TRIM24: variants seen among roughly 807,000 people sequenced by gnomAD.
TRIM24 encodes transcription intermediary factor 1-alpha.
Under a neutral mutation model 123.9 loss-of-function variants are expected in TRIM24, and 29 were observed. That is an observed-to-expected ratio of 0.23 (90% confidence interval 0.17 to 0.32). The LOEUF (loss-of-function observed/expected upper bound fraction) is 0.32, where lower values mean the gene tolerates loss of function less well. Ranked by LOEUF, TRIM24 falls within the 10% of genes least tolerant of loss-of-function variation. The pLI, the probability that TRIM24 is intolerant of heterozygous loss-of-function variation, is 1.00. For synonymous variants in TRIM24, 456 were observed against 461.1 expected (o/e 0.99, Z 0.14); for missense variants, 932 against 1,295.3 (o/e 0.72, Z 4.31).
In TRIM24 at chr7:138,588,898, T is replaced by A. The variant is rs1798061426; in HGVS notation, c.*3947T>A. 1 of 151,658 alleles carries A rather than the reference T, an allele frequency of 6.6e-6. No individual in the cohort carries two copies. The highest frequency in any genetic ancestry group is 2.1e-4 in the South Asian group (1 of 4,784). 9.4% of individuals were successfully genotyped at this position (151,658 alleles called of 1,614,324 possible). ...GGCGGGTGCCTGTAATCTCAGCTACTTTGGGATGCTGAGGCAGGAGAATAG... is the reference window on the plus strand; with the variant it reads ...GGCGGGTGCCTGTAATCTCAGCTACATTGGGATGCTGAGGCAGGAGAATAG... On this transcript the variant is annotated 3_prime_UTR_variant, in exon 19 of 19. Transcript: ENST00000343526.
intron 6 of TRIM24, among the ~76,000 whole-genome samples, chr7:138,530,341 T>C (rs191769331): frequency 1.3e-5 from 2 of 152,272 alleles, no homozygotes; most frequent in East Asian, 1.9e-4. Flanking sequence ...TATGTCTGTG[T>C]TTTCAAACTT....
chr7:138,557,260 C>T (rs1245163681), intron 9 of TRIM24, among the ~76,000 whole-genome samples: 1 of 152,150 alleles, frequency 6.6e-6, no homozygotes, highest in Non-Finnish European at 1.5e-5. Flanking sequence ...TACAGGAAAA[C>T]TTGTTTTCCT....
chr7:138,473,619 T>G (rs1795325850), intron 1 of TRIM24, among the ~76,000 whole-genome samples: 1 of 152,250 alleles, frequency 6.6e-6, no homozygotes, highest in Non-Finnish European at 1.5e-5. Flanking sequence ...ATTTCTTGCC[T>G]TTATCAGCTA....
chr7:138,483,572 G>T (rs1374406228), intron 1 of TRIM24, among the ~76,000 whole-genome samples: 3 of 152,166 alleles, frequency 2.0e-5, no homozygotes, highest in Non-Finnish European at 4.4e-5. Context: ...GTGAGGGAGG[G>T]ATTCCTGCCA....
rs1329936974 is a variant in TRIM24 at position 138,579,207 on chromosome 7, A to C, written c.2260A>C (p.Asn754His). 1 of 1,564,282 alleles carries C rather than the reference A, an allele frequency of 6.4e-7. No individual in the cohort carries two copies. Among genetic ancestry groups the C allele is most frequent in the Non-Finnish European group, 8.6e-7 (1 of 1,158,156 alleles). The change falls in exon 15 of 19, where the codon AAT becomes CAT. Residue 754 changes from asparagine (N) to histidine (H), a missense_variant. This residue lies in a region of TRIM24 where 527 missense variants were observed against 691.3 expected (regional missense o/e 0.76). Coordinates refer to ENST00000343526, the MANE Select transcript of TRIM24 (RefSeq NM_015905.3). ...SDEESRPQNA[N>H]YPRSILTSLL... is the part of the protein sequence containing the mutation. The stretch of plus-strand genomic sequence containing the variant: ...ATATATTTTTTTTCTACTACAGGCC[A>C]ATTATCCAAGAAGCATACTCACCTC...
intron 1 of TRIM24, among the ~76,000 whole-genome samples, chr7:138,497,393 C>CTTTTT (rs869232002): frequency 2.9e-4 from 26 of 88,296 alleles, no homozygotes; most frequent in African/African-American, 6.0e-4. Context: ...ATTACAATTT[C>CTTTTT]TTTTTTTTTT....
At chr7:138,538,070 G>C (rs1225970993) in intron 6 of TRIM24, among the ~76,000 whole-genome samples, 1 of 152,138 alleles carries the variant, frequency 6.6e-6, no homozygotes, top group African/African-American at 2.4e-5. Context: ...TGTAGCTTTT[G>C]TTAGAGTGCA....
intron 7 of TRIM24, among the ~76,000 whole-genome samples, chr7:138,549,194 A>T (rs926054898): frequency 3.3e-5 from 5 of 152,196 alleles, no homozygotes; most frequent in African/African-American, 1.2e-4. Flanking sequence ...AGGCAATGGG[A>T]ATTATTCAGC....
At chr7:138,567,702 C>T (rs769064072) in intron 10 of TRIM24, 48 bp downstream of exon 10, 3 of 1,499,106 alleles carry the variant, frequency 2.0e-6, no homozygotes, top group South Asian at 2.8e-5. Context: ...CTGCTTTCTA[C>T]TTTCAAATCA....
At chr7:138,524,897 T>C (rs1425010771) in intron 4 of TRIM24, among the ~76,000 whole-genome samples, 1 of 152,144 alleles carries the variant, frequency 6.6e-6, no homozygotes, top group East Asian at 1.9e-4. Context: ...TCAGCAGGCT[T>C]GCATAATGTA....
At chr7:138,488,464 T>A (rs1375507733) in intron 1 of TRIM24, among the ~76,000 whole-genome samples, 1 of 152,216 alleles carries the variant, frequency 6.6e-6, no homozygotes, top group East Asian at 1.9e-4. Flanking sequence ...AGATCTTTCC[T>A]GCTTTCTCTT....
chr7:138,580,071 A>G (rs1797860844), intron 15 of TRIM24, among the ~76,000 whole-genome samples: 2 of 152,208 alleles, frequency 1.3e-5, no homozygotes, highest in African/African-American at 4.8e-5. Flanking sequence ...CAAGTATTTC[A>G]AGTAAATTCT....
intron 6 of TRIM24, among the ~76,000 whole-genome samples, chr7:138,533,931 G>C (rs1186403990): frequency 1.3e-5 from 2 of 151,928 alleles, no homozygotes; most frequent in African/African-American, 4.8e-5. Context: ...ACTTCTTCCT[G>C]GTTTAGTCTT....
rs1797698802 is a variant in TRIM24, at chr7:138,573,566, T to C, written c.1938T>C (p.Asp646=). The part of the protein sequence containing the change: ...DNIVRKDTNI[D]HGQPRPPSNR... ...TTGTGAGGAAAGATACTAATATAGATCATGGCCAGCCAAGACCACCCTCAA... is the reference window on the plus strand; with the variant it reads ...TTGTGAGGAAAGATACTAATATAGACCATGGCCAGCCAAGACCACCCTCAA... Residue 646 remains aspartate, a synonymous_variant, in exon 12 of 19, where the codon GAT becomes GAC. Transcript: ENST00000343526. 1.2e-6 allele frequency: 2 copies of C among 1,613,912 alleles called. No individual in the cohort carries two copies. Among genetic ancestry groups the C allele is most frequent in the Non-Finnish European group, 1.7e-6 (2 of 1,179,962 alleles).
intron 7 of TRIM24, among the ~76,000 whole-genome samples, chr7:138,548,334 TA>T (rs1159252521): frequency 6.6e-6 from 1 of 151,356 alleles, no homozygotes; most frequent in African/African-American, 2.4e-5. Flanking sequence ...ACAAAGGATT[TA>T]AAAATGGTAC....
At position 138,460,679 on chromosome 7, in the gene TRIM24, G is replaced by T; in HGVS notation, c.131G>T (p.Gly44Val). The change falls in exon 1 of 19, where the codon GGC (glycine) becomes GTC (valine). Residue 44 changes from glycine to valine, a missense_variant. This residue lies in a region of TRIM24 where 164 missense variants were observed against 181.9 expected (regional missense o/e 0.90). Coordinates refer to ENST00000343526, the MANE Select transcript of TRIM24 (RefSeq NM_015905.3). Reference sequence around the variant, plus strand: ...CGGCAGGGCCCGGACTCGGAGCGCGGCGGCGAGGCGGCCCGGCTCAACCTG... The same window carrying T: ...CGGCAGGGCCCGGACTCGGAGCGCGTCGGCGAGGCGGCCCGGCTCAACCTG... ...ESRQGPDSER[G>V]GEAARLNLLD... The T allele has an allele frequency of 6.6e-7, 1 of 1,524,326 alleles. No individual in the cohort carries two copies. The allele number at this position is 1,524,326 out of a possible 1,614,324, so 94.4% of individuals were successfully genotyped here.
In TRIM24 at chr7:138,585,342, G is replaced by T. The variant is rs1030347464; in HGVS notation, c.*391G>T. ...AGTTGAAAAGTAAAAAATATATGTG[G>T]TTTGGATGTGTGCTTTAATTCAGCT... On this transcript the variant is annotated 3_prime_UTR_variant, in exon 19 of 19. Coordinates refer to ENST00000343526, the MANE Select transcript of TRIM24 (RefSeq NM_015905.3). The T allele has an allele frequency of 3.8e-5, 9 of 237,942 alleles. No individual in the cohort carries two copies. Among genetic ancestry groups the T allele is most frequent in the African/African-American group, 9.0e-5 (4 of 44,266 alleles). The allele number at this position is 237,942 out of a possible 1,614,324, so 14.7% of individuals were successfully genotyped here. A position where few individuals can be genotyped will look rare whatever the true frequency, so the allele number is the denominator to read the frequency against.
In TRIM24 at chr7:138,499,327, A is replaced by G. The variant is rs776061285; in HGVS notation, c.365-4963A>G. 6.0e-4 allele frequency among the ~76,000 whole-genome samples: 92 copies of G among 152,176 alleles called. 1 individual carries two copies. The highest frequency in any genetic ancestry group is 3.3e-4 in the Admixed American group (5 of 15,274). Reference sequence around the variant, plus strand: ...ACTGGTTACCATTTTAGCCCACTATATCTTGGGCTGTATTTTTACTACTTG... The same window carrying G: ...ACTGGTTACCATTTTAGCCCACTATGTCTTGGGCTGTATTTTTACTACTTG... On this transcript the variant is annotated intron_variant, in intron 1 of 18. Coordinates refer to ENST00000343526, the MANE Select transcript of TRIM24 (RefSeq NM_015905.3).
rs1794945861 is a variant in TRIM24, at chr7:138,460,843, G to A, written c.295G>A (p.Ala99Thr). ...LMLPAPMLGSAETPPPVPAPG... is the reference protein window; with the variant it reads ...LMLPAPMLGSTETPPPVPAPG... Reference sequence around the variant, plus strand: ...GCTGCCCGCGCCCATGCTGGGCTCGGCCGAGACCCCGCCACCCGTCCCTGC... The same window carrying A: ...GCTGCCCGCGCCCATGCTGGGCTCGACCGAGACCCCGCCACCCGTCCCTGC... Residue 99 changes from alanine to threonine, a missense_variant, in exon 1 of 19, where the codon GCC becomes ACC. By Grantham distance (58) the Ala-to-Thr change is moderately conservative. This residue lies in a region of TRIM24 where 164 missense variants were observed against 181.9 expected (regional missense o/e 0.90). Coordinates refer to ENST00000343526, the MANE Select transcript of TRIM24 (RefSeq NM_015905.3). The A allele has an allele frequency of 1.9e-6, 3 of 1,567,340 alleles. No homozygotes were observed. The highest frequency in any genetic ancestry group is 1.8e-5 in the Admixed American group (1 of 55,880).
Sources: allele counts gnomAD v4.1 joint callset (sites outside exome capture counted in the v4.1 genomes callset), GRCh38; gene constraint gnomAD v4.1.1; regional missense constraint gnomAD v4.1.1; transcripts MANE v1.5; gene names NCBI Gene and HGNC (gene_info 2026-07-23, HGNC 2026-07-21).